Variants in CA10 observed in about 807,000 individuals in gnomAD.
CA10 encodes the protein carbonic anhydrase 10 (inactive).
In CA10, 14 loss-of-function variants were observed where a neutral mutation model predicts 44.2. That is an observed-to-expected ratio of 0.32 (90% CI 0.21 to 0.50). The LOEUF (loss-of-function observed/expected upper bound fraction) is 0.50. Ranked by LOEUF, CA10 falls within the 20% of genes least tolerant of loss-of-function variation. The pLI, the probability that CA10 is intolerant of heterozygous loss-of-function variation, is 0.99. For synonymous variants in CA10, 159 were observed against 141.6 expected (o/e 1.12, Z -0.87); for missense variants, 350 against 409.7 (o/e 0.85, Z 1.26).
chr17:51,950,192 A>G (rs111494368), intron 2 of CA10, among the ~76,000 whole-genome samples: 5 of 152,002 alleles, frequency 3.3e-5, no homozygotes, highest in African/African-American at 1.2e-4. Context: ...ATTCTCACCT[A>G]CTTCAGGGCT....
At chr17:51,890,444 A>C (rs546646053) in intron 3 of CA10, among the ~76,000 whole-genome samples, 2 of 152,204 alleles carry the variant, frequency 1.3e-5, no homozygotes, top group Non-Finnish European at 2.9e-5. Flanking sequence ...GGAAGGAACA[A>C]AGGAGCTGAA....
chr17:51,900,415 C>G (rs1236738035), intron 3 of CA10, among the ~76,000 whole-genome samples: 1 of 152,114 alleles, frequency 6.6e-6, no homozygotes, highest in Admixed American at 6.6e-5. Flanking sequence ...TGATGGGGTT[C>G]TCTTTGTAGG....
At chr17:51,896,062 A>G (rs1257825578) in intron 3 of CA10, among the ~76,000 whole-genome samples, 1 of 152,054 alleles carries the variant, frequency 6.6e-6, no homozygotes, top group Non-Finnish European at 1.5e-5. Context: ...TTTGCATACA[A>G]TAAAATGCAC....
intron 4 of CA10, among the ~76,000 whole-genome samples, chr17:51,730,966 G>A (rs1339477607): frequency 1.3e-5 from 2 of 152,112 alleles, no homozygotes; most frequent in Non-Finnish European, 2.9e-5. Flanking sequence ...ACTAAATAGA[G>A]TTGTTATAGA....
In CA10 at chr17:51,769,541, A is replaced by G. The variant is rs142678384; in HGVS notation, c.280-21723T>C. On this transcript the variant is annotated intron_variant, in intron 3 of 8. Transcript: ENST00000451037. ...ACTCAGAAACATTTCTGGGAAGGAA[A>G]TAAAACCCTGACATCAGTCTAGCAG... 4.3e-4 allele frequency among the ~76,000 whole-genome samples: 65 copies of G among 152,272 alleles called. No individual in the cohort carries two copies. In the East Asian group the frequency reaches 0.012, roughly 28 times the overall value.
chr17:52,139,327 T>G (rs1346491175), intron 1 of CA10, among the ~76,000 whole-genome samples: 1 of 152,234 alleles, frequency 6.6e-6, no homozygotes, highest in South Asian at 2.1e-4. Context: ...GGATATCCAT[T>G]AGTTTAGAAA....
At chr17:51,774,366 AT>A (rs1438741567) in intron 3 of CA10, among the ~76,000 whole-genome samples, 1 of 151,798 alleles carries the variant, frequency 6.6e-6, no homozygotes, top group Non-Finnish European at 1.5e-5. Flanking sequence ...CTGTTTGGCT[AT>A]TATATTCTGT....
At chr17:51,945,449 A>G (rs987475521) in intron 2 of CA10, among the ~76,000 whole-genome samples, 50 of 152,144 alleles carry the variant, frequency 3.3e-4, no homozygotes. Context: ...CTAAATTCAG[A>G]TTAAATCAAC....
intron 2 of CA10, among the ~76,000 whole-genome samples, chr17:52,034,811 A>G (rs1302004489): frequency 6.6e-6 from 1 of 152,184 alleles, no homozygotes; most frequent in Non-Finnish European, 1.5e-5. Flanking sequence ...AATAAAAATA[A>G]ACAATGTATT....
At chr17:52,136,689 C>G (rs1357112579) in intron 1 of CA10, among the ~76,000 whole-genome samples, 1 of 152,082 alleles carries the variant, frequency 6.6e-6, no homozygotes, top group Admixed American at 6.5e-5. Context: ...CTCTGCCCCC[C>G]TTTCTGAGCC....
intron 1 of CA10, among the ~76,000 whole-genome samples, chr17:52,140,668 G>A (rs143797343): frequency 7.9e-5 from 12 of 152,246 alleles, no homozygotes; most frequent in African/African-American, 1.7e-4. Context: ...GCTTTGTTAC[G>A]CAGCGTTATG....
intron 3 of CA10, among the ~76,000 whole-genome samples, chr17:51,898,300 T>A (rs894360797): frequency 6.6e-6 from 1 of 152,196 alleles, no homozygotes; most frequent in Non-Finnish European, 1.5e-5. Flanking sequence ...CTTTTCTGAA[T>A]CTATTGAGAT....
In CA10 at chr17:51,849,259, AT is replaced by A. The variant is rs1567860552; in HGVS notation, c.279+81730del. 2.0e-4 allele frequency among the ~76,000 whole-genome samples: 27 copies of A among 137,304 alleles called. 2 individuals are homozygous for A. The highest frequency in any genetic ancestry group is 6.5e-4 in the African/African-American group (25 of 38,278). 90.1% of individuals were successfully genotyped at this position (137,304 alleles called of 152,430 possible). A position where few individuals can be genotyped will look rare whatever the true frequency, so the allele number is the denominator to read the frequency against. ...TATATATATATATATATATATATATATATATAAAACTAAGTTTTTTGGAGTC... is the reference window on the plus strand; with the variant it reads ...TATATATATATATATATATATATATAATATAAAACTAAGTTTTTTGGAGTC... On this transcript the variant is annotated intron_variant, in intron 3 of 8. Transcript: ENST00000451037.
chr17:51,945,661 T>A (rs1486839795), intron 2 of CA10, among the ~76,000 whole-genome samples: 1 of 152,088 alleles, frequency 6.6e-6, no homozygotes, highest in Non-Finnish European at 1.5e-5. Context: ...ATAAAACCAC[T>A]TAGTAGAGCT....
chr17:52,009,986 A>G (rs2144133402), intron 2 of CA10, among the ~76,000 whole-genome samples: 1 of 152,142 alleles, frequency 6.6e-6, no homozygotes, highest in Non-Finnish European at 1.5e-5. Context: ...ATGGCCAAGA[A>G]GCATATGGAA....
At chr17:51,794,642 C>G (rs1471973257) in intron 3 of CA10, among the ~76,000 whole-genome samples, 1 of 152,186 alleles carries the variant, frequency 6.6e-6, no homozygotes, top group Non-Finnish European at 1.5e-5. Flanking sequence ...TCAACATCAT[C>G]AATTTCCTTA....
intron 3 of CA10, among the ~76,000 whole-genome samples, chr17:51,878,909 TG>T (rs1980235279): frequency 7.6e-6 from 1 of 131,180 alleles, no homozygotes; most frequent in African/African-American, 2.8e-5. Flanking sequence ...TGTGTGTGTG[TG>T]TGTATGTGTG....
chr17:51,639,086 C>T lies in CA10; in HGVS notation c.635-3077G>A, dbSNP rs141778777. Among the ~76,000 whole-genome samples, 48 of 152,212 alleles carry T rather than the reference C, an allele frequency of 3.2e-4. 4 individuals carry two copies. In the East Asian group the frequency reaches 9.1e-3, roughly 29 times the overall value. On this transcript the variant is annotated intron_variant, in intron 6 of 8. Coordinates refer to ENST00000451037, the MANE Select transcript of CA10 (RefSeq NM_020178.5). ...TCATCCGGAGGCAATGCGGAACCAC[C>T]GAAGGGATTGAAGCCAAGGAGTAGC...
intron 3 of CA10, among the ~76,000 whole-genome samples, chr17:51,892,455 A>G (rs1980899964): frequency 6.6e-6 from 1 of 152,226 alleles, no homozygotes; most frequent in Non-Finnish European, 1.5e-5. Context: ...AGAGAAAGGT[A>G]GAGATAAGTT....
Sources: allele counts gnomAD v4.1 joint callset (sites outside exome capture counted in the v4.1 genomes callset), GRCh38; gene constraint gnomAD v4.1.1; transcripts MANE v1.5; gene names NCBI Gene and HGNC (gene_info 2026-07-23, HGNC 2026-07-21).